Variants in MARCHF1 observed in about 807,000 individuals in gnomAD.
MARCHF1 encodes the protein E3 ubiquitin-protein ligase MARCHF1.
A neutral mutation model predicts 54.2 loss-of-function variants in MARCHF1; 40 were observed. The ratio of observed to expected loss-of-function variants is 0.74; its 90% CI spans 0.57 to 0.96. MARCHF1 has a LOEUF of 0.96. Among genes scored for constraint, MARCHF1 ranks in the 40% least tolerant of loss-of-function variants. MARCHF1 has a pLI of 0.00. For synonymous variants in MARCHF1, 236 were observed against 236.3 expected (o/e 1.00, Z 0.01); for missense variants, 586 against 656.5 (o/e 0.89, Z 1.17).
chr4:163,689,344 C>T (rs1744369300), intron 5 of MARCHF1, among the ~76,000 whole-genome samples: 1 of 152,128 alleles, frequency 6.6e-6, no homozygotes, highest in Non-Finnish European at 1.5e-5. Context: ...AATATTTAGG[C>T]ACCATTCACT....
rs200201251 is a variant in MARCHF1, at chr4:164,091,418, ATATATATATATG to A, written c.-248+20158_-248+20169del. 1.6e-3 allele frequency among the ~76,000 whole-genome samples: 230 copies of A among 146,438 alleles called. 6 individuals are homozygous for A. The East Asian group carries it at 0.036, about 23-fold the overall frequency. On this transcript the variant is annotated intron_variant, in intron 2 of 9. Transcript: ENST00000514618. ...ATAATTTTCACCAAGTTTTATATAT[ATATATATATATG>A]TATAAAATGAATTGCACGCAGTTAA... is the stretch of plus-strand genomic sequence containing the variant.
intron 1 of MARCHF1, among the ~76,000 whole-genome samples, chr4:164,378,060 A>T (rs1204482512): frequency 6.6e-6 from 1 of 152,264 alleles, no homozygotes; most frequent in Non-Finnish European, 1.5e-5. Flanking sequence ...TTCTGATAAA[A>T]CCTGGTGGAG....
At chr4:164,157,746 C>G (rs145155054) in intron 1 of MARCHF1, among the ~76,000 whole-genome samples, 2 of 152,228 alleles carry the variant, frequency 1.3e-5, no homozygotes, top group South Asian at 2.1e-4. Context: ...CAAAAAGACA[C>G]CAGTATACTG....
chr4:164,092,449 G>A (rs959910481), intron 2 of MARCHF1, among the ~76,000 whole-genome samples: 1 of 152,138 alleles, frequency 6.6e-6, no homozygotes. Context: ...TGAGGGCTCA[G>A]TTAAGGCATT....
At chr4:164,302,021 T>TCAG (rs1434962911) in intron 1 of MARCHF1, among the ~76,000 whole-genome samples, 1 of 152,204 alleles carries the variant, frequency 6.6e-6, no homozygotes, top group African/African-American at 2.4e-5. Context: ...TATGGACGTA[T>TCAG]CAGTCTCTGA....
chr4:163,926,099 A>C (rs1320850157), intron 3 of MARCHF1, among the ~76,000 whole-genome samples: 1 of 151,636 alleles, frequency 6.6e-6, no homozygotes, highest in Non-Finnish European at 1.5e-5. Context: ...TCTTACATAT[A>C]ACAAATCAGC....
At chr4:164,145,036 A>G in intron 1 of MARCHF1, among the ~76,000 whole-genome samples, 1 of 141,328 alleles carries the variant, frequency 7.1e-6, no homozygotes, top group Admixed American at 7.3e-5. Flanking sequence ...AGAGAATACT[A>G]CAAACACCTC....
intron 2 of MARCHF1, among the ~76,000 whole-genome samples, chr4:164,049,658 A>T (rs1754317315): frequency 1.3e-5 from 2 of 152,310 alleles, no homozygotes; most frequent in South Asian, 2.1e-4. Flanking sequence ...TTGACAAAAA[A>T]AGCTAAGAAT....
intron 7 of MARCHF1, among the ~76,000 whole-genome samples, chr4:163,604,285 A>G (rs571181757): frequency 1.3e-5 from 2 of 152,090 alleles, no homozygotes; most frequent in South Asian, 4.2e-4. Flanking sequence ...CCCAAACTGA[A>G]CTCATCCTCC....
chr4:163,819,992 AC>A (rs1176963506), intron 4 of MARCHF1, among the ~76,000 whole-genome samples: 3 of 152,242 alleles, frequency 2.0e-5, no homozygotes, highest in African/African-American at 7.2e-5. Flanking sequence ...ACATATGAAA[AC>A]AAACCTAAAT....
intron 7 of MARCHF1, among the ~76,000 whole-genome samples, chr4:163,603,147 T>G (rs1741026343): frequency 7.0e-6 from 1 of 142,352 alleles, no homozygotes; most frequent in Admixed American, 7.1e-5. Context: ...TCTGAAAGAT[T>G]AAGGTAAAGG....
chr4:164,355,820 G>A (rs201768357), intron 1 of MARCHF1, among the ~76,000 whole-genome samples: 3 of 83,966 alleles, frequency 3.6e-5, no homozygotes, highest in Admixed American at 1.2e-4. Flanking sequence ...CCATCAGAGT[G>A]AACAGGCAAC....
At chr4:164,365,017 T>C (rs114324966) in intron 1 of MARCHF1, among the ~76,000 whole-genome samples, 1 of 152,140 alleles carries the variant, frequency 6.6e-6, no homozygotes, top group African/African-American at 2.4e-5. Flanking sequence ...TCCCTCAAAA[T>C]TGATAATTAT....
intron 3 of MARCHF1, among the ~76,000 whole-genome samples, chr4:163,922,468 G>A (rs930849045): frequency 1.3e-5 from 2 of 152,084 alleles, no homozygotes; most frequent in South Asian, 4.1e-4. Flanking sequence ...AGTCACATAG[G>A]CCTGTTGCAC....
intron 1 of MARCHF1, among the ~76,000 whole-genome samples, chr4:164,334,318 T>A (rs1729670429): frequency 6.6e-6 from 1 of 152,204 alleles, no homozygotes; most frequent in South Asian, 2.1e-4. Context: ...ACAGGCTGAC[T>A]CTTTTGTTAG....
chr4:164,154,974 T>C (rs1730039105), intron 1 of MARCHF1, among the ~76,000 whole-genome samples: 1 of 152,188 alleles, frequency 6.6e-6, no homozygotes, highest in South Asian at 2.1e-4. Context: ...CCCCTGGAGT[T>C]TGGCCATCCA....
chr4:163,810,286 G>A (rs973121971), intron 4 of MARCHF1, among the ~76,000 whole-genome samples: 1 of 152,112 alleles, frequency 6.6e-6, no homozygotes, highest in African/African-American at 2.4e-5. Flanking sequence ...AATGATAATG[G>A]TGTTTTCCAC....
intron 2 of MARCHF1, among the ~76,000 whole-genome samples, chr4:164,019,378 C>T (rs574553485): frequency 6.6e-6 from 1 of 152,232 alleles, no homozygotes; most frequent in East Asian, 1.9e-4. Flanking sequence ...TTTAGTAAAA[C>T]CATTTTGAGA....
chr4:163,970,677 C>T (rs1374994437), intron 3 of MARCHF1, among the ~76,000 whole-genome samples: 1 of 152,142 alleles, frequency 6.6e-6, no homozygotes, highest in African/African-American at 2.4e-5. Context: ...ATATAAAATT[C>T]AGGAGTTTAT....
Sources: allele counts gnomAD v4.1 joint callset (sites outside exome capture counted in the v4.1 genomes callset), GRCh38; gene constraint gnomAD v4.1.1; transcripts MANE v1.5; gene names NCBI Gene and HGNC (gene_info 2026-07-23, HGNC 2026-07-21).